The following TP73 variants were observed in gnomAD, a reference collection of about 807,000 sequenced individuals.
The protein encoded by TP73 is tumor protein p73.
Under a neutral mutation model 62.5 loss-of-function variants are expected in TP73, and 25 were observed. The observed-to-expected ratio is 0.40, with a 90% CI of 0.29 to 0.56. The LOEUF (loss-of-function observed/expected upper bound fraction) is 0.56, where lower values mean the gene tolerates loss of function less well. Ranked by LOEUF, TP73 falls within the 20% of genes least tolerant of loss-of-function variation. The pLI is 0.46. For synonymous variants in TP73, 423 were observed against 377.5 expected (o/e 1.12, Z -1.40); for missense variants, 754 against 913.3 (o/e 0.83, Z 2.25).
chr1:3,680,115 CTCTG>C (rs1481415713), intron 1 of TP73, among the ~76,000 whole-genome samples: 1 of 152,222 alleles, frequency 6.6e-6, no homozygotes, highest in Admixed American at 6.5e-5. Context: ...CTCTGTCTCT[CTCTG>C]TCTTTGTCCC....
In TP73 at chr1:3,733,070, G is replaced by A. The variant is rs1011152005; in HGVS notation, c.1902G>A (p.Glu634=). 2 of 1,534,986 alleles carry A rather than the reference G, an allele frequency of 1.3e-6. No homozygotes were observed. Among genetic ancestry groups the A allele is most frequent in the African/African-American group, 2.7e-5 (2 of 72,990 alleles). The change falls in exon 14 of 14, where the codon GAG becomes GAA. Residue 634 remains glutamate, a synonymous_variant. Coordinates refer to ENST00000378295, the MANE Select transcript of TP73 (RefSeq NM_005427.4). ...QPIKEEFTEA[E]IH is the part of the protein sequence containing the mutation. Reference sequence around the variant, plus strand: ...TCAAGGAGGAGTTCACGGAGGCCGAGATCCACTGAGGGCCTCGCCTGGCTG... The same window carrying A: ...TCAAGGAGGAGTTCACGGAGGCCGAAATCCACTGAGGGCCTCGCCTGGCTG...
intron 3 of TP73, among the ~76,000 whole-genome samples, chr1:3,698,950 C>T (rs1027190882): frequency 9.9e-5 from 15 of 152,214 alleles, no homozygotes; most frequent in African/African-American, 3.1e-4. Flanking sequence ...CTCCTGGGGG[C>T]GCGTTTCTCC....
rs773832055 is a variant in TP73 at position 3,695,885 on chromosome 1, C to T, written c.187-11664C>T. ...CCCCGCCGGTCAGGTGGTACCACAC[C>T]GTGGGATTCTGGGCAAGATTTGCTG... On this transcript the variant is annotated intron_variant, in intron 3 of 13. Coordinates refer to ENST00000378295, the MANE Select transcript of TP73 (RefSeq NM_005427.4). Among the ~76,000 whole-genome samples the T allele has an allele frequency of 1.2e-3, 185 of 152,254 alleles. 1 individual carries two copies. Among genetic ancestry groups the T allele is most frequent in the Non-Finnish European group, 4.4e-4 (30 of 68,024 alleles).
intron 5 of TP73, among the ~76,000 whole-genome samples, chr1:3,723,096 C>A (rs1340675590): frequency 6.8e-6 from 1 of 146,232 alleles, no homozygotes; most frequent in Non-Finnish European, 1.5e-5. Context: ...GGCACCTCTG[C>A]ACCTAACAGG....
intron 6 of TP73, among the ~76,000 whole-genome samples, chr1:3,723,907 A>G (rs1472486116): frequency 6.6e-6 from 1 of 151,892 alleles, no homozygotes; most frequent in Non-Finnish European, 1.5e-5. Context: ...AAATTCTACA[A>G]AGGGGGTTGA....
chr1:3,708,950 T>G (rs1170446407), intron 4 of TP73, among the ~76,000 whole-genome samples: 6 of 149,130 alleles, frequency 4.0e-5, no homozygotes, highest in African/African-American at 1.6e-4. Flanking sequence ...TCCCACCCCC[T>G]GTCGGGAGTG....
At chr1:3,665,404 A>G (rs1023515358) in intron 1 of TP73, among the ~76,000 whole-genome samples, 1 of 152,186 alleles carries the variant, frequency 6.6e-6, no homozygotes, top group Non-Finnish European at 1.5e-5. Flanking sequence ...ATAGCAAAAT[A>G]CACCGTTGTA....
chr1:3,714,841 C>G (rs939565197), intron 4 of TP73, among the ~76,000 whole-genome samples: 1 of 152,250 alleles, frequency 6.6e-6, no homozygotes, highest in Non-Finnish European at 1.5e-5. Context: ...CCTGCCACCC[C>G]CTCTGTCCCC....
Position 3,696,403 on chromosome 1 carries a change from G to C in TP73, c.187-11146G>C, listed in dbSNP as rs141865393. ...GCCATGTGGACACTCAGTTGCTGGT[G>C]TGGGCAGGCAGGCTGTGGAGACGAC... On this transcript the variant is annotated intron_variant, in intron 3 of 13. Transcript: ENST00000378295. This position sits in a 1 kb window ranked among gnomAD's most constrained non-coding sequence, Gnocchi z 4.1. Among the ~76,000 whole-genome samples, 790 of 152,190 alleles carry C rather than the reference G, an allele frequency of 5.2e-3. 2 individuals carry two copies. Among genetic ancestry groups the C allele is most frequent in the Non-Finnish European group, 8.6e-3 (584 of 68,026 alleles).
At chr1:3,661,739 T>C (rs56319233) in intron 1 of TP73, among the ~76,000 whole-genome samples, 37 of 129,934 alleles carry the variant, frequency 2.8e-4, no homozygotes, top group African/African-American at 1.0e-3. Context: ...TATATATATA[T>C]AATATGTATT....
At chr1:3,729,233 G>A in intron 9 of TP73, 94 bp from the exon 10 acceptor site, 3 of 1,551,414 alleles carry the variant, frequency 1.9e-6, no homozygotes, top group Non-Finnish European at 2.6e-6. Context: ...AAGGACAGAT[G>A]CTTTGCCAAG....
intron 1 of TP73, among the ~76,000 whole-genome samples, chr1:3,665,842 A>G (rs919188339): frequency 9.2e-6 from 1 of 108,296 alleles, no homozygotes; most frequent in African/African-American, 4.1e-5. Flanking sequence ...TTTTTTTTTA[A>G]GAGACAGAAT....
At chr1:3,727,257 C>G in intron 7 of TP73, 33 bp downstream of exon 7, 1 of 1,586,384 alleles carries the variant, frequency 6.3e-7, no homozygotes. Context: ...GGAGGTGGGA[C>G]AGGGCTGGGC....
chr1:3,674,916 C>T (rs1348694456), intron 1 of TP73, among the ~76,000 whole-genome samples: 1 of 152,212 alleles, frequency 6.6e-6, no homozygotes, highest in Admixed American at 6.5e-5. Flanking sequence ...TCTGCCCAGG[C>T]GGGGGCTCTT....
chr1:3,658,183 G>A (rs1644906949), intron 1 of TP73, among the ~76,000 whole-genome samples: 1 of 152,232 alleles, frequency 6.6e-6, no homozygotes, highest in South Asian at 2.1e-4. Flanking sequence ...AGGGGACATG[G>A]GGGACACATT....
intron 4 of TP73, chr1:3,712,534 C>G (rs970922845): frequency 6.6e-6 from 1 of 152,230 alleles, no homozygotes; most frequent in Non-Finnish European, 1.5e-5. Context: ...CCCACACTGC[C>G]TGGTTCTTGG....
intron 1 of TP73, among the ~76,000 whole-genome samples, chr1:3,656,937 A>G (rs1644877916): frequency 1.3e-5 from 2 of 152,354 alleles, no homozygotes; most frequent in Admixed American, 6.5e-5. Context: ...TGATATTTTC[A>G]TGGTGTCCGG....
chr1:3,658,682 A>G (rs1644919151), intron 1 of TP73, among the ~76,000 whole-genome samples: 1 of 152,206 alleles, frequency 6.6e-6, no homozygotes, highest in South Asian at 2.1e-4. Flanking sequence ...TATTTTAGGG[A>G]GCTGAAGAGC....
chr1:3,712,827 G>A (rs1640262347), intron 4 of TP73, among the ~76,000 whole-genome samples: 2 of 152,124 alleles, frequency 1.3e-5, no homozygotes, highest in Non-Finnish European at 2.9e-5. Context: ...AGAGGGCAGA[G>A]CCGGACCTGG....
Sources: gnomAD v4.1 joint callset for allele counts (sites outside exome capture counted in the v4.1 genomes callset) on GRCh38, gnomAD v4.1.1 for gene constraint, Gnocchi (gnomAD v3.1) non-coding constraint, MANE v1.5 for transcripts, NCBI Gene and HGNC (gene_info 2026-07-23, HGNC 2026-07-21) for gene names.